Variants in ACAT1 observed in about 807,000 individuals in gnomAD.
ACAT1 encodes acetyl-CoA acetyltransferase, mitochondrial.
Under a neutral mutation model 47.3 loss-of-function variants are expected in ACAT1, and 28 were observed. The observed-to-expected ratio is 0.59, with a 90% CI of 0.44 to 0.81. The LOEUF is 0.81. Ranked by LOEUF, ACAT1 falls within the 30% of genes least tolerant of loss-of-function variation. ACAT1 has a pLI of 0.00. For missense variants in ACAT1, 469 were observed against 524.3 expected, an observed-to-expected ratio of 0.89 and a Z score of 1.03; for synonymous variants, 181 against 173.6, an observed-to-expected ratio of 1.04 and a Z score of -0.34.
intron 1 of ACAT1, among the ~76,000 whole-genome samples, chr11:108,126,094 C>G (rs1328041523): frequency 1.3e-5 from 2 of 152,106 alleles, no homozygotes; most frequent in Admixed American, 1.3e-4. Context: ...CTTCTGCCTC[C>G]TGGATTCAAG....
chr11:108,134,548 G>A (rs1392803248), intron 4 of ACAT1: 1 of 333,912 alleles, frequency 3.0e-6, no homozygotes, highest in Non-Finnish European at 5.7e-6. Context: ...TGAGGCAGGA[G>A]CATCGCTTGA....
upstream of ACAT1, chr11:108,121,481 C>T (rs1402377129): frequency 9.0e-7 from 1 of 1,111,986 alleles, no homozygotes; most frequent in Non-Finnish European, 1.3e-6. Context: ...CAATCGCCGC[C>T]GACTGAGAGG....
In ACAT1 at chr11:108,147,256, TTTC is replaced by T. The variant is rs1372382010; in HGVS notation, c.1164-11_1164-9del. The T allele has an allele frequency of 6.2e-7, 1 of 1,613,448 alleles. No individual in the cohort carries two copies. The highest frequency in any genetic ancestry group is 8.5e-7 in the Non-Finnish European group (1 of 1,179,680). ...TGTACTTCATTAAAGAAGTAAATGC[TTTC>T]TTAATTTTAGGATGTCTGGAGCCAG... is the stretch of plus-strand genomic sequence containing the variant. On this transcript the variant is annotated splice_polypyrimidine_tract_variant and intron_variant, in intron 11 of 11. Transcript: ENST00000265838.
chr11:108,129,321 T>C (rs573720869), intron 1 of ACAT1: 10 of 152,368 alleles, frequency 6.6e-5, no homozygotes, highest in South Asian at 2.1e-4. Context: ...ATTTTTGCAA[T>C]TGCAAATTGT....
chr11:108,146,099 T>G, intron 10 of ACAT1, 103 bp from the exon 11 acceptor site: 1 of 1,074,592 alleles, frequency 9.3e-7, no homozygotes, highest in East Asian at 2.4e-5. Flanking sequence ...AGAACTTCCA[T>G]ATTTAAATAA....
chr11:108,127,162 A>T (rs929509643), intron 1 of ACAT1, among the ~76,000 whole-genome samples: 1 of 151,172 alleles, frequency 6.6e-6, no homozygotes, highest in Non-Finnish European at 1.5e-5. Flanking sequence ...TGATTTGGAC[A>T]TTCACCTGCA....
chr11:108,128,179 G>A (rs544625651), intron 1 of ACAT1, among the ~76,000 whole-genome samples: 1 of 152,378 alleles, frequency 6.6e-6, no homozygotes, highest in East Asian at 1.9e-4. Flanking sequence ...AGAACCAACA[G>A]TGGTAAACTG....
In ACAT1 at chr11:108,146,819, C is replaced by T. The variant is rs12785678; in HGVS notation, c.1164-451C>T. Among the ~76,000 whole-genome samples, 453 of 152,322 alleles carry T rather than the reference C, an allele frequency of 3.0e-3. 3 individuals are homozygous for T. The highest frequency in any genetic ancestry group is 4.5e-3 in the Non-Finnish European group (306 of 68,030). On this transcript the variant is annotated intron_variant, in intron 11 of 11. Transcript: ENST00000265838. ...TGACCTGGCCAGGCACGGTGGCTCA[C>T]GCCTGTAATCCTAGCACTTTGGGAG... is the stretch of plus-strand genomic sequence containing the variant.
intron 1 of ACAT1, among the ~76,000 whole-genome samples, chr11:108,127,165 C>T (rs1244395637): frequency 6.6e-6 from 1 of 151,508 alleles, no homozygotes; most frequent in Non-Finnish European, 1.5e-5. Flanking sequence ...TTTGGACATT[C>T]ACCTGCAGCT....
rs761018640 is a variant in ACAT1 at position 108,121,639 on chromosome 11, C to G, written c.33C>G (p.Gly11=). The change falls in exon 1 of 12, where the codon GGC becomes GGG. Residue 11 remains glycine (G), a synonymous_variant. Transcript: ENST00000265838. ...TGCTGGCGGCACTTCTGCGCAGCGGCGCCCGCAGCCGCAGCCCCCTGCTCC... is the reference window on the plus strand; with the variant it reads ...TGCTGGCGGCACTTCTGCGCAGCGGGGCCCGCAGCCGCAGCCCCCTGCTCC... MAVLAALLRS[G]ARSRSPLLRR... The G allele has an allele frequency of 6.4e-7, 1 of 1,550,402 alleles. No homozygotes were observed. The highest frequency in any genetic ancestry group is 1.2e-5 in the South Asian group (1 of 84,102).
intron 5 of ACAT1, chr11:108,136,195 C>T: frequency 1.8e-6 from 1 of 551,136 alleles, no homozygotes; most frequent in South Asian, 2.5e-5. Context: ...AGATTTTTTT[C>T]AGTGTGTCTG....
intron 1 of ACAT1, chr11:108,128,710 AGAG>A (rs1487590816): frequency 4.6e-5 from 7 of 152,220 alleles, no homozygotes; most frequent in South Asian, 2.1e-4. Context: ...TGAATGATGT[AGAG>A]GAGAAGGAAG....
At chr11:108,143,353 C>G (rs2077630612) in intron 9 of ACAT1, 1 of 152,034 alleles carries the variant, frequency 6.6e-6, no homozygotes, top group African/African-American at 2.4e-5. Flanking sequence ...AAAGTACATG[C>G]ATTTTCCTAC....
intron 1 of ACAT1, among the ~76,000 whole-genome samples, chr11:108,123,204 C>T (rs970461583): frequency 1.3e-5 from 2 of 152,036 alleles, no homozygotes; most frequent in Non-Finnish European, 2.9e-5. Context: ...TGCCACTGCA[C>T]TCCAGCCTGG....
Position 108,140,046 on chromosome 11 carries a change from T to C in ACAT1, c.580-19T>C, listed in dbSNP as rs1253506138. 1 of 1,608,670 alleles carries C rather than the reference T, an allele frequency of 6.2e-7. No homozygotes were observed. The highest frequency in any genetic ancestry group is 1.1e-5 in the South Asian group (1 of 90,352). ...AAATTATGCAAAGTTAACTTTAAAA[T>C]ATTTCAACTTTTTATCAGGGCAGCT... On this transcript the variant is annotated intron_variant, in intron 6 of 11. Transcript: ENST00000265838.
At chr11:108,138,265 G>C (rs1195227869) in intron 5 of ACAT1, among the ~76,000 whole-genome samples, 1 of 151,586 alleles carries the variant, frequency 6.6e-6, no homozygotes, top group East Asian at 2.0e-4. Flanking sequence ...GATTACAGGG[G>C]TGAGCCACCG....
intron 7 of ACAT1, among the ~76,000 whole-genome samples, chr11:108,141,102 C>T (rs2077574410): frequency 6.6e-6 from 1 of 151,990 alleles, no homozygotes. Context: ...GCAGCACACG[C>T]CTGTAGTCCC....
At chr11:108,126,981 T>A (rs992668692) in intron 1 of ACAT1, among the ~76,000 whole-genome samples, 3 of 151,432 alleles carry the variant, frequency 2.0e-5, no homozygotes, top group African/African-American at 7.3e-5. Context: ...ATTTTATTTT[T>A]ATTTTTTTGT....
At chr11:108,147,171 G>T in intron 11 of ACAT1, 99 bp from the exon 12 acceptor site, 1 of 1,401,054 alleles carries the variant, frequency 7.1e-7, no homozygotes, top group South Asian at 1.2e-5. Context: ...AGTAGTAGTG[G>T]CTAGTAAGGT....
Sources: gnomAD v4.1 joint callset for allele counts (sites outside exome capture counted in the v4.1 genomes callset) on GRCh38, gnomAD v4.1.1 for gene constraint, MANE v1.5 for transcripts, NCBI Gene and HGNC (gene_info 2026-07-23, HGNC 2026-07-21) for gene names.